RRAGB: variants seen among roughly 807,000 people sequenced by gnomAD.
The protein encoded by RRAGB is Ras related GTP binding B.
A neutral mutation model predicts 29.3 loss-of-function variants in RRAGB; 6 were observed. The observed-to-expected ratio is 0.21, with a 90% CI of 0.11 to 0.40. The LOEUF is 0.40. Ranked by LOEUF, RRAGB falls within the 10% of genes least tolerant of loss-of-function variation. The probability of loss-of-function intolerance (pLI) is 1.00; values close to 1 mark genes in which losing one functional copy is unlikely to be tolerated. For synonymous variants in RRAGB, 101 were observed against 92.5 expected (o/e 1.09, Z -0.53); for missense variants, 184 against 272.9 (o/e 0.67, Z 2.29).
At chrX:55,752,970 G>A (rs1205158983) in intron 6 of RRAGB, among the ~76,000 whole-genome samples, 4 of 111,767 alleles carry the variant, frequency 3.6e-5, no homozygotes, top group Non-Finnish European at 7.5e-5. Flanking sequence ...TGATTCTTAG[G>A]TATATGTTAA....
intron 5 of RRAGB, among the ~76,000 whole-genome samples, chrX:55,736,337 A>C (rs2033863080): frequency 8.9e-6 from 1 of 111,920 alleles, no homozygotes; most frequent in East Asian, 2.8e-4. Context: ...TGATTGTGTT[A>C]ATTTGAAAGC....
intron 7 of RRAGB, 120 bp from the exon 8 acceptor site, chrX:55,755,721 G>A: frequency 9.2e-7 from 1 of 1,091,333 alleles, no homozygotes; most frequent in East Asian, 3.3e-5. Flanking sequence ...CAATAAGCCA[G>A]GTGCCAAGTC....
At chrX:55,756,009 A>G in intron 8 of RRAGB, 77 bp downstream of exon 8, 1 of 675,136 alleles carries the variant, frequency 1.5e-6, no homozygotes, top group Non-Finnish European at 2.3e-6. Flanking sequence ...AAATAACTAT[A>G]GTTAACTGTA....
intron 5 of RRAGB, among the ~76,000 whole-genome samples, chrX:55,742,489 AT>A (rs2034116503): frequency 8.9e-6 from 1 of 112,248 alleles, no homozygotes; most frequent in Admixed American, 9.4e-5. Context: ...CCTTATATCT[AT>A]TTTGGAGGAG....
intron 5 of RRAGB, among the ~76,000 whole-genome samples, chrX:55,735,862 T>C (rs2033847843): frequency 8.9e-6 from 1 of 112,493 alleles, no homozygotes; most frequent in African/African-American, 3.2e-5. Context: ...CTCTTTCACA[T>C]ATGCAATTTA....
chrX:55,718,489 A>C, intron 1 of RRAGB, 70 bp downstream of exon 1: 1 of 641,499 alleles, frequency 1.6e-6, no homozygotes. Flanking sequence ...GTGAATTAGA[A>C]CACTTCTCCC....
At chrX:55,727,573 C>T (rs2033525441) in intron 3 of RRAGB, among the ~76,000 whole-genome samples, 1 of 111,145 alleles carries the variant, frequency 9.0e-6, no homozygotes, top group Non-Finnish European at 1.9e-5. Context: ...GAAACTAATA[C>T]CCAGAGCTTA....
At chrX:55,751,265 C>A in intron 6 of RRAGB, 69 bp downstream of exon 6, 1 of 560,328 alleles carries the variant, frequency 1.8e-6, no homozygotes, top group East Asian at 3.7e-5. Flanking sequence ...TATTAACAAA[C>A]CTAAAAGATT....
chrX:55,738,692 C>T lies in RRAGB; in HGVS notation c.516+7106C>T, dbSNP rs868625303. 9.8e-5 allele frequency among the ~76,000 whole-genome samples: 11 copies of T among 112,117 alleles called. 1 individual carries two copies. In the Middle Eastern group the frequency reaches 0.027, roughly 279 times the overall value. On this transcript the variant is annotated intron_variant, in intron 5 of 9. Transcript: ENST00000374941. ...TGTAATGGGCTGCACCAGTTGCCCT[C>T]TAGCCAGGAGGTGGCGTTTGTAGGA...
chrX:55,745,605 A>G (rs898886275), intron 5 of RRAGB, among the ~76,000 whole-genome samples: 2 of 111,979 alleles, frequency 1.8e-5, no homozygotes, highest in Non-Finnish European at 3.8e-5. Context: ...GTAATCACCA[A>G]CTCTGCATCT....
At chrX:55,738,793 C>T (rs945126398) in intron 5 of RRAGB, among the ~76,000 whole-genome samples, 2 of 111,528 alleles carry the variant, frequency 1.8e-5, no homozygotes, top group Non-Finnish European at 3.8e-5. Flanking sequence ...GTGTCTCAGG[C>T]GATGGGCAAG....
chrX:55,736,733 G>T (rs1854110167), intron 5 of RRAGB, among the ~76,000 whole-genome samples: 1 of 111,879 alleles, frequency 8.9e-6, no homozygotes, highest in Non-Finnish European at 1.9e-5. Flanking sequence ...GCTTTCAGTG[G>T]CAAAGACTGT....
chrX:55,734,735 TCTTTTTGTC>T (rs1269699680), intron 5 of RRAGB, among the ~76,000 whole-genome samples: 1 of 112,271 alleles, frequency 8.9e-6, no homozygotes, highest in African/African-American at 3.2e-5. Flanking sequence ...AAATTTGTGA[TCTTTTTGTC>T]CTTTTGATGT....
In RRAGB at chrX:55,742,180, A is replaced by G. The variant is rs750730755; in HGVS notation, c.517-8921A>G. Among the ~76,000 whole-genome samples the G allele has an allele frequency of 2.7e-5, 3 of 112,954 alleles. No individual in the cohort carries two copies. In the South Asian group the frequency reaches 1.1e-3, roughly 41 times the overall value. On this transcript the variant is annotated intron_variant, in intron 5 of 9. Transcript: ENST00000374941. ...AAAAACAGACATTTACTTTATATAC[A>G]TATATACATATTCATAACAAAATCA...
chrX:55,745,051 C>T (rs1048947570), intron 5 of RRAGB, among the ~76,000 whole-genome samples: 33 of 111,936 alleles, frequency 2.9e-4, no homozygotes, highest in African/African-American at 1.1e-3. Flanking sequence ...CATACCACTG[C>T]ACCCCTCAAA....
At chrX:55,747,039 A>G (rs1261910287) in intron 5 of RRAGB, among the ~76,000 whole-genome samples, 2 of 112,234 alleles carry the variant, frequency 1.8e-5, no homozygotes, top group Non-Finnish European at 3.8e-5. Flanking sequence ...CGTCACCTTT[A>G]GGAGTCTGCT....
At chrX:55,754,878 G>C (rs2034620200) in intron 7 of RRAGB, among the ~76,000 whole-genome samples, 1 of 111,716 alleles carries the variant, frequency 9.0e-6, no homozygotes, top group South Asian at 3.7e-4. Flanking sequence ...GCTACCCTGA[G>C]CCTGTTTTTC....
At chrX:55,758,099 C>T in intron 9 of RRAGB, 147 bp from the exon 10 acceptor site, 1 of 330,499 alleles carries the variant, frequency 3.0e-6, no homozygotes, top group Non-Finnish European at 5.4e-6. Context: ...AAAATTAAAC[C>T]TTGATAACTT....
chrX:55,751,193 T>C lies in RRAGB; in HGVS notation c.609T>C (p.Tyr203=), dbSNP rs754946164. 2.7e-6 allele frequency: 3 copies of C among 1,109,546 alleles called. No individual in the cohort carries two copies. The East Asian group carries it at 9.0e-5, about 33-fold the overall frequency. The allele number at this position is 1,109,546 out of a possible 1,213,427, so 91.4% of individuals were successfully genotyped here. ...CATCTATCTGGGATGAAACCCTCTATAAGGTGTGTATGTCTCCCTGAGTTC... is the reference window on the plus strand; with the variant it reads ...CATCTATCTGGGATGAAACCCTCTACAAGGTGTGTATGTCTCCCTGAGTTC... ...FRTSIWDETL[Y]KAWSSIVYQL... Residue 203 remains tyrosine, a synonymous_variant, in exon 6 of 10, where the codon TAT becomes TAC. Transcript: ENST00000374941.
Sources: allele counts gnomAD v4.1 joint callset (sites outside exome capture counted in the v4.1 genomes callset), GRCh38; gene constraint gnomAD v4.1.1; transcripts MANE v1.5; gene names NCBI Gene and HGNC (gene_info 2026-07-23, HGNC 2026-07-21).